IGF2BP3: variants seen among roughly 807,000 people sequenced by gnomAD.
IGF2BP3 encodes the protein insulin like growth factor 2 mRNA binding protein 3, also known as insulin-like growth factor 2 mRNA-binding protein 3.
IGF2BP3 carries 9 observed loss-of-function variants against 73.8 expected under a neutral mutation model. The observed-to-expected ratio is 0.12, with a 90% CI of 0.07 to 0.21. The LOEUF (loss-of-function observed/expected upper bound fraction) is 0.21, where lower values mean the gene tolerates loss of function less well. IGF2BP3 is among the 10% of genes least tolerant of loss of function. IGF2BP3 has a pLI of 1.00. For missense variants in IGF2BP3, 542 were observed against 714.0 expected (o/e 0.76, Z 2.75); for synonymous variants, 258 against 256.7 (o/e 1.01, Z -0.05).
At chr7:23,442,127 C>T (rs1216427318) in intron 2 of IGF2BP3, among the ~76,000 whole-genome samples, 1 of 152,188 alleles carries the variant, frequency 6.6e-6, no homozygotes, top group African/African-American at 2.4e-5. Flanking sequence ...AACTCTGTCT[C>T]AAGAAAATTT....
chr7:23,355,130 ATTAT>A (rs1164816710), intron 5 of IGF2BP3, among the ~76,000 whole-genome samples: 1 of 152,182 alleles, frequency 6.6e-6, no homozygotes, highest in African/African-American at 2.4e-5. Context: ...GACTGTCATA[ATTAT>A]TTGACACATA....
At chr7:23,434,046 C>T (rs1027380326) in intron 2 of IGF2BP3, among the ~76,000 whole-genome samples, 1 of 149,682 alleles carries the variant, frequency 6.7e-6, no homozygotes, top group Non-Finnish European at 1.5e-5. Flanking sequence ...CCACTGCACT[C>T]CAGCCTGGGA....
chr7:23,416,085 C>T (rs1227038214), intron 3 of IGF2BP3: 4 of 152,156 alleles, frequency 2.6e-5, no homozygotes, highest in African/African-American at 9.7e-5. Context: ...ATCATCACCC[C>T]TGGTTAGAAA....
chr7:23,317,500 G>A (rs1011997870), intron 12 of IGF2BP3, 139 bp downstream of exon 12: 76 of 657,638 alleles, frequency 1.2e-4, no homozygotes, highest in South Asian at 3.0e-4. Context: ...ATAATTTTGA[G>A]TGTGATTCTA....
chr7:23,387,074 AAAAG>A (rs564650541), intron 3 of IGF2BP3, among the ~76,000 whole-genome samples: 1,854 of 151,762 alleles, frequency 0.012, 35 homozygotes, highest in African/African-American at 0.042. Context: ...AAAAAAAAAA[AAAAG>A]AAAGAAAGAA....
At chr7:23,366,143 C>CA (rs1785364882) in intron 3 of IGF2BP3, among the ~76,000 whole-genome samples, 1 of 143,828 alleles carries the variant, frequency 7.0e-6, no homozygotes, top group South Asian at 2.2e-4. Context: ...CCGTGTAAAT[C>CA]TTTTTTTTTT....
chr7:23,397,868 T>C (rs1414955932), intron 3 of IGF2BP3, among the ~76,000 whole-genome samples: 2 of 152,186 alleles, frequency 1.3e-5, no homozygotes, highest in African/African-American at 4.8e-5. Context: ...TTTGAGGGTA[T>C]AAGTAAGTAT....
chr7:23,394,270 C>A (rs1478783336), intron 3 of IGF2BP3, among the ~76,000 whole-genome samples: 3 of 152,090 alleles, frequency 2.0e-5, no homozygotes, highest in African/African-American at 7.2e-5. Flanking sequence ...AGTTGGAGAC[C>A]GGCCTGAACA....
intron 3 of IGF2BP3, among the ~76,000 whole-genome samples, chr7:23,404,696 T>A (rs1465946619): frequency 6.6e-6 from 1 of 150,552 alleles, no homozygotes; most frequent in Non-Finnish European, 1.5e-5. Flanking sequence ...AATTACTGAA[T>A]AGTAATATTG....
At chr7:23,439,501 G>A (rs1156235072) in intron 2 of IGF2BP3, among the ~76,000 whole-genome samples, 1 of 140,200 alleles carries the variant, frequency 7.1e-6, no homozygotes, top group Non-Finnish European at 1.5e-5. Context: ...AGCTTGCAGT[G>A]AGCCAAGATC....
chr7:23,377,442 T>A (rs1244490611), intron 3 of IGF2BP3, among the ~76,000 whole-genome samples: 1 of 152,158 alleles, frequency 6.6e-6, no homozygotes, highest in Admixed American at 6.5e-5. Context: ...TCACACCCAC[T>A]AGGATGGCTA....
chr7:23,455,106 T>C (rs1584063426), intron 2 of IGF2BP3, among the ~76,000 whole-genome samples: 2 of 152,336 alleles, frequency 1.3e-5, no homozygotes, highest in East Asian at 3.9e-4. Flanking sequence ...AAAATTAACC[T>C]AGGCATCAGT....
intron 3 of IGF2BP3, among the ~76,000 whole-genome samples, chr7:23,409,907 GCCTCTAAT>G (rs2128530452): frequency 6.6e-6 from 1 of 152,302 alleles, no homozygotes; most frequent in East Asian, 1.9e-4. Flanking sequence ...GATGGCTCAA[GCCTCTAAT>G]CCCAGCACTT....
chr7:23,378,566 C>CTTT (rs1785801816), intron 3 of IGF2BP3, among the ~76,000 whole-genome samples: 2 of 80,974 alleles, frequency 2.5e-5, no homozygotes, highest in African/African-American at 1.2e-4. Context: ...CTAATTTTTG[C>CTTT]TTGTTTTTTT....
intron 3 of IGF2BP3, among the ~76,000 whole-genome samples, chr7:23,369,666 T>A (rs1030082457): frequency 6.6e-6 from 1 of 152,016 alleles, no homozygotes; most frequent in Non-Finnish European, 1.5e-5. Context: ...AGTTTCTTCA[T>A]GCTTCTCTTC....
At chr7:23,343,600 A>T in intron 9 of IGF2BP3, 118 bp downstream of exon 9, 1 of 996,138 alleles carries the variant, frequency 1.0e-6, no homozygotes, top group South Asian at 1.5e-5. Context: ...AGGTGCTAAA[A>T]ATCAACTAGA....
Position 23,319,143 on chromosome 7 carries a change from T to C in IGF2BP3, c.1315A>G (p.Ile439Val), listed in dbSNP as rs760193366. 6 of 1,607,598 alleles carry C rather than the reference T, an allele frequency of 3.7e-6. No homozygotes were observed. The highest frequency in any genetic ancestry group is 1.7e-5 in the Admixed American group (1 of 59,708). ...KQLSRFAGAS[I>V]KIAPAEAPDA... is the part of the protein sequence containing the mutation. ...CACAGCTGGTAGAACAGTACCTTAA[T>C]TGAAGCTCCAGCAAAGCGAGAAAGC... is the stretch of plus-strand genomic sequence containing the variant. The change falls in exon 11 of 15, where the codon ATT (isoleucine) becomes GTT (valine). Residue 439 changes from isoleucine (I) to valine (V), a missense_variant. Physicochemically the swap from Ile to Val is conservative, Grantham distance 29. This residue lies in a region of IGF2BP3 where 303 missense variants were observed against 472.1 expected (regional missense o/e 0.64). Coordinates refer to ENST00000258729, the MANE Select transcript of IGF2BP3 (RefSeq NM_006547.3).
At chr7:23,411,151 A>G (rs1026019898) in intron 3 of IGF2BP3, among the ~76,000 whole-genome samples, 3 of 152,162 alleles carry the variant, frequency 2.0e-5, no homozygotes, top group Admixed American at 6.5e-5. Context: ...GTTATTTCTA[A>G]TATTTAACAT....
intron 6 of IGF2BP3, among the ~76,000 whole-genome samples, chr7:23,350,621 T>C (rs959210405): frequency 6.6e-6 from 1 of 152,244 alleles, no homozygotes; most frequent in Admixed American, 6.5e-5. Context: ...ATAATTCACA[T>C]ACAGTCATTT....
Sources: gnomAD v4.1 joint callset for allele counts (sites outside exome capture counted in the v4.1 genomes callset) on GRCh38, gnomAD v4.1.1 for gene constraint, gnomAD v4.1.1 regional missense constraint, MANE v1.5 for transcripts, NCBI Gene and HGNC (gene_info 2026-07-23, HGNC 2026-07-21) for gene names.